The following MALRD1 variants were observed in gnomAD, a reference collection of about 807,000 sequenced individuals.
MALRD1 encodes the protein MAM and LDL receptor class A domain containing 1.
In MALRD1, 247 loss-of-function variants were observed where a neutral mutation model predicts 242.1. That is an observed-to-expected ratio of 1.02 (90% CI 0.92 to 1.13). The LOEUF is 1.13. Ranked by LOEUF, MALRD1 falls within the 50% of genes most tolerant of loss-of-function variation. The pLI is 0.00. For missense variants in MALRD1, 2,989 were observed against 2,533.1 expected (o/e 1.18, Z -3.86); for synonymous variants, 995 against 866.6 (o/e 1.15, Z -2.60).
chr10:19,274,417 G>C (rs1424726880), intron 19 of MALRD1, among the ~76,000 whole-genome samples: 1 of 152,102 alleles, frequency 6.6e-6, no homozygotes, highest in Non-Finnish European at 1.5e-5. Flanking sequence ...GGGATAATTA[G>C]GTCAGGAGAG....
chr10:19,182,187 A>T (rs1440419930), intron 14 of MALRD1, among the ~76,000 whole-genome samples: 1 of 152,092 alleles, frequency 6.6e-6, no homozygotes. Context: ...ATGGTTTAAG[A>T]ACCTTACCTA....
chr10:19,678,485 T>C (rs550692754), intron 36 of MALRD1, among the ~76,000 whole-genome samples: 22 of 152,324 alleles, frequency 1.4e-4, no homozygotes, highest in African/African-American at 5.3e-4. Context: ...ATTGTTGTTG[T>C]ATAGGAATGC....
intron 22 of MALRD1, among the ~76,000 whole-genome samples, 189 bp from the exon 23 acceptor site, chr10:19,327,374 G>T (rs1465401566): frequency 1.3e-5 from 2 of 151,884 alleles, no homozygotes; most frequent in Admixed American, 6.6e-5. Flanking sequence ...TAGAAAGCTT[G>T]TGAGGTACGC....
At chr10:19,654,135 A>C (rs771400338) in intron 36 of MALRD1, among the ~76,000 whole-genome samples, 1 of 152,166 alleles carries the variant, frequency 6.6e-6, no homozygotes, top group Non-Finnish European at 1.5e-5. Flanking sequence ...TGAAATGACA[A>C]AATGATTTAT....
intron 12 of MALRD1, among the ~76,000 whole-genome samples, chr10:19,155,769 G>A (rs1834120668): frequency 6.6e-6 from 1 of 152,058 alleles, no homozygotes; most frequent in Non-Finnish European, 1.5e-5. Flanking sequence ...TTAAATGTCA[G>A]CATTTACATT....
intron 38 of MALRD1, among the ~76,000 whole-genome samples, chr10:19,697,291 G>T (rs1259077855): frequency 6.6e-6 from 1 of 152,090 alleles, no homozygotes; most frequent in East Asian, 1.9e-4. Context: ...AATCTACAGG[G>T]CAAACCACCA....
chr10:19,473,506 A>T (rs559037598), intron 29 of MALRD1, among the ~76,000 whole-genome samples: 1 of 152,000 alleles, frequency 6.6e-6, no homozygotes, highest in East Asian at 1.9e-4. Flanking sequence ...CCTGATGTCT[A>T]CCATTTTACT....
At chr10:19,256,873 C>A (rs1414173529) in intron 18 of MALRD1, among the ~76,000 whole-genome samples, 1 of 152,030 alleles carries the variant, frequency 6.6e-6, no homozygotes, top group Non-Finnish European at 1.5e-5. Context: ...AATGGGAAAA[C>A]ATAATGTATT....
At chr10:19,466,319 ATTTG>A (rs1324656166) in intron 29 of MALRD1, among the ~76,000 whole-genome samples, 6 of 152,108 alleles carry the variant, frequency 3.9e-5, no homozygotes, top group African/African-American at 1.2e-4. Context: ...TTTTTTTCCA[ATTTG>A]TTTAATTTAG....
intron 29 of MALRD1, among the ~76,000 whole-genome samples, chr10:19,466,141 A>T (rs1441900975): frequency 1.3e-5 from 2 of 152,066 alleles, no homozygotes; most frequent in South Asian, 4.1e-4. Context: ...AGAATTACCC[A>T]TTTATTTTCT....
chr10:19,168,479 A>G (rs1834792353), intron 13 of MALRD1, among the ~76,000 whole-genome samples: 1 of 152,226 alleles, frequency 6.6e-6, no homozygotes. Flanking sequence ...AGTAATTTAG[A>G]AATATGAGTT....
intron 21 of MALRD1, among the ~76,000 whole-genome samples, chr10:19,309,066 G>T (rs1323547524): frequency 6.6e-6 from 1 of 151,474 alleles, no homozygotes; most frequent in Non-Finnish European, 1.5e-5. Context: ...AGGATTTAAG[G>T]TTTGTTCTAT....
At chr10:19,063,500 C>A (rs970287500) in intron 1 of MALRD1, among the ~76,000 whole-genome samples, 2 of 152,096 alleles carry the variant, frequency 1.3e-5, no homozygotes, top group East Asian at 3.9e-4. Flanking sequence ...TTTTCAAAAT[C>A]ATGCCTCAAG....
chr10:19,596,263 TTTA>T (rs1227713735), intron 34 of MALRD1, among the ~76,000 whole-genome samples: 2 of 152,160 alleles, frequency 1.3e-5, no homozygotes, highest in African/African-American at 4.8e-5. Context: ...CCCCTAACAT[TTTA>T]TTATTTGTTT....
At chr10:19,585,727 T>G (rs961476930) in intron 33 of MALRD1, among the ~76,000 whole-genome samples, 1 of 152,072 alleles carries the variant, frequency 6.6e-6, no homozygotes, top group Non-Finnish European at 1.5e-5. Flanking sequence ...TCTCGAGGAG[T>G]ATCTTTGTGG....
intron 31 of MALRD1, among the ~76,000 whole-genome samples, chr10:19,508,168 A>G (rs1833227945): frequency 6.6e-6 from 1 of 152,134 alleles, no homozygotes; most frequent in South Asian, 2.1e-4. Flanking sequence ...TACTGCAATA[A>G]AGATGCTTTC....
At chr10:19,566,394 C>T (rs1283207614) in intron 32 of MALRD1, among the ~76,000 whole-genome samples, 2 of 149,926 alleles carry the variant, frequency 1.3e-5, no homozygotes, top group Non-Finnish European at 3.0e-5. Context: ...CCGCCTTGGC[C>T]TCCCAAAGTG....
intron 19 of MALRD1, among the ~76,000 whole-genome samples, chr10:19,258,514 G>A (rs1250097254): frequency 1.3e-5 from 2 of 152,074 alleles, no homozygotes; most frequent in African/African-American, 4.8e-5. Context: ...AGAGGCTGGG[G>A]CCCAACAACA....
intron 38 of MALRD1, among the ~76,000 whole-genome samples, chr10:19,712,486 A>C (rs1834173570): frequency 6.6e-6 from 1 of 152,218 alleles, no homozygotes; most frequent in Admixed American, 6.5e-5. Context: ...CAGGAGTCAT[A>C]ATGAAATAAG....
Sources: gnomAD v4.1 joint callset for allele counts (sites outside exome capture counted in the v4.1 genomes callset) on GRCh38, gnomAD v4.1.1 for gene constraint, MANE v1.5 for transcripts, NCBI Gene and HGNC (gene_info 2026-07-23, HGNC 2026-07-21) for gene names.